Variants in GLI2 observed in about 807,000 individuals in gnomAD.
GLI2 encodes the protein transcription activator GLI2.
Under a neutral mutation model 78.9 loss-of-function variants are expected in GLI2, and 22 were observed. That is an observed-to-expected ratio of 0.28 (90% CI 0.20 to 0.40). The LOEUF (loss-of-function observed/expected upper bound fraction) is 0.40, where lower values mean the gene tolerates loss of function less well. Among genes scored for constraint, GLI2 ranks in the 10% least tolerant of loss-of-function variants. The pLI, the probability that GLI2 is intolerant of heterozygous loss-of-function variation, is 1.00. For missense variants in GLI2, 2,097 were observed against 2,213.2 expected, an observed-to-expected ratio of 0.95 and a Z score of 1.05; for synonymous variants, 974 against 963.7, an observed-to-expected ratio of 1.01 and a Z score of -0.20.
At chr2:120,806,079 C>T (rs1224332239) in intron 2 of GLI2, among the ~76,000 whole-genome samples, 1 of 152,174 alleles carries the variant, frequency 6.6e-6, no homozygotes, top group Non-Finnish European at 1.5e-5. Flanking sequence ...AATGGATGGG[C>T]CCCTGTTTCC....
At chr2:120,881,410 TGA>T (rs1677113943) in intron 2 of GLI2, among the ~76,000 whole-genome samples, 2 of 29,106 alleles carry the variant, frequency 6.9e-5, no homozygotes, top group Non-Finnish European at 1.4e-4. Flanking sequence ...GGAGGACAGG[TGA>T]GGGGAGGACA....
intron 1 of GLI2, among the ~76,000 whole-genome samples, chr2:120,789,315 C>T (rs1281987046): frequency 6.6e-6 from 1 of 152,128 alleles, no homozygotes; most frequent in East Asian, 1.9e-4. Flanking sequence ...TGAGCCACCG[C>T]GCCCAGTCTC....
chr2:120,942,970 C>CCTCA (rs113745501), intron 3 of GLI2, among the ~76,000 whole-genome samples: 1 of 149,676 alleles, frequency 6.7e-6, no homozygotes, highest in African/African-American at 2.6e-5. Context: ...TCGTTCACGC[C>CCTCA]CTCACTCACT....
chr2:120,750,075 T>C (rs1682817384), intron 1 of GLI2, among the ~76,000 whole-genome samples: 1 of 152,220 alleles, frequency 6.6e-6, no homozygotes, highest in Admixed American at 6.5e-5. Context: ...CTCTGCCTCA[T>C]CCTCTGAGGG....
chr2:120,913,540 T>C (rs893391807), intron 2 of GLI2, among the ~76,000 whole-genome samples: 15 of 152,168 alleles, frequency 9.9e-5, no homozygotes, highest in African/African-American at 2.4e-4. Flanking sequence ...CAGGGCTGCA[T>C]TGGATGAGTG....
At chr2:120,770,085 T>G (rs1683479774) in intron 1 of GLI2, among the ~76,000 whole-genome samples, 2 of 152,140 alleles carry the variant, frequency 1.3e-5, no homozygotes, top group South Asian at 4.1e-4. Context: ...AATCACTGTT[T>G]TCGGGTTGTA....
rs1443181771 is a variant in GLI2, at chr2:120,990,517, C to T, written c.4552C>T (p.His1518Tyr). 1 of 1,614,138 alleles carries T rather than the reference C, an allele frequency of 6.2e-7. No individual in the cohort carries two copies. Among genetic ancestry groups the T allele is most frequent in the Non-Finnish European group, 8.5e-7 (1 of 1,180,016 alleles). ...GGGTGCTCTGAGCCCCAGCCTCCTCCACAGCCTCTCCCAGAACTCCTCCCG... is the reference window on the plus strand; with the variant it reads ...GGGTGCTCTGAGCCCCAGCCTCCTCTACAGCCTCTCCCAGAACTCCTCCCG... ...FSGALSPSLL[H>Y]SLSQNSSRLT... is the part of the protein sequence containing the mutation. The change falls in exon 14 of 14, where the codon CAC becomes TAC. Residue 1518 changes from histidine to tyrosine, a missense_variant. By Grantham distance (83) the His-to-Tyr change is moderately conservative. This residue lies in a region of GLI2 where 1,290 missense variants were observed against 1,261.7 expected (regional missense o/e 1.02). Coordinates refer to ENST00000361492, the MANE Select transcript of GLI2 (RefSeq NM_001374353.1).
chr2:120,956,535 C>T (rs981182980), intron 5 of GLI2, among the ~76,000 whole-genome samples: 1 of 152,116 alleles, frequency 6.6e-6, no homozygotes, highest in Admixed American at 6.5e-5. Flanking sequence ...TCCCATCCCC[C>T]AGTCAGCGCC....
intron 2 of GLI2, among the ~76,000 whole-genome samples, chr2:120,816,773 G>T (rs1286092142): frequency 1.3e-5 from 2 of 152,074 alleles, no homozygotes; most frequent in Non-Finnish European, 2.9e-5. Flanking sequence ...TGTTGTTTTG[G>T]TTAAAATATA....
intron 13 of GLI2, among the ~76,000 whole-genome samples, chr2:120,987,342 C>G (rs1404958428): frequency 6.6e-6 from 1 of 152,218 alleles, no homozygotes; most frequent in Non-Finnish European, 1.5e-5. Context: ...GCCTTGAACT[C>G]TCAGCCCCCT....
chr2:120,975,611 C>T (rs1343822921), intron 9 of GLI2, among the ~76,000 whole-genome samples: 4 of 152,042 alleles, frequency 2.6e-5, no homozygotes, highest in African/African-American at 4.8e-5. Context: ...TGCAGGTGGG[C>T]GTCTACACCC....
intron 2 of GLI2, among the ~76,000 whole-genome samples, chr2:120,893,673 A>G (rs1348579481): frequency 6.6e-6 from 1 of 152,034 alleles, no homozygotes; most frequent in Admixed American, 6.6e-5. Context: ...AAAAAAGGAA[A>G]AAGAAAAGCA....
intron 1 of GLI2, among the ~76,000 whole-genome samples, chr2:120,776,154 G>A (rs942596930): frequency 2.0e-5 from 3 of 152,256 alleles, no homozygotes; most frequent in African/African-American, 4.8e-5. Flanking sequence ...GGCAGGAGGC[G>A]ATGGCATGGA....
chr2:120,757,111 C>T (rs1038161281), intron 1 of GLI2, among the ~76,000 whole-genome samples: 3 of 152,092 alleles, frequency 2.0e-5, no homozygotes, highest in Non-Finnish European at 4.4e-5. Flanking sequence ...ACTCTTTGGA[C>T]ACAGGAATTC....
At chr2:120,755,537 C>CT (rs1194964500) in intron 1 of GLI2, among the ~76,000 whole-genome samples, 1 of 151,900 alleles carries the variant, frequency 6.6e-6, no homozygotes, top group Non-Finnish European at 1.5e-5. Flanking sequence ...TGTGGCTTAT[C>CT]TTTTCATTTT....
At chr2:120,741,237 G>C (rs1049761136) in intron 1 of GLI2, among the ~76,000 whole-genome samples, 1 of 152,090 alleles carries the variant, frequency 6.6e-6, no homozygotes, top group Non-Finnish European at 1.5e-5. Flanking sequence ...TTGCTGACTC[G>C]GCTGGGTTTG....
At chr2:120,765,756 C>G (rs1026127844) in intron 1 of GLI2, among the ~76,000 whole-genome samples, 1 of 152,238 alleles carries the variant, frequency 6.6e-6, no homozygotes, top group Non-Finnish European at 1.5e-5. Flanking sequence ...GCTCTTTCTC[C>G]GTTGCAGTCA....
chr2:120,934,501 C>T (rs1260814303), intron 3 of GLI2, among the ~76,000 whole-genome samples: 1 of 152,192 alleles, frequency 6.6e-6, no homozygotes. Context: ...CATTGGCAGT[C>T]ACGGCCCAAG....
intron 1 of GLI2, among the ~76,000 whole-genome samples, chr2:120,766,536 A>C (rs1683372445): frequency 6.6e-6 from 1 of 152,226 alleles, no homozygotes; most frequent in South Asian, 2.1e-4. Context: ...ATGGGAAAGA[A>C]AGGCCCTCCC....
Sources: allele counts gnomAD v4.1 joint callset (sites outside exome capture counted in the v4.1 genomes callset), GRCh38; gene constraint gnomAD v4.1.1; regional missense constraint gnomAD v4.1.1; transcripts MANE v1.5; gene names NCBI Gene and HGNC (gene_info 2026-07-23, HGNC 2026-07-21).